MDGA2: variants seen among roughly 807,000 people sequenced by gnomAD.
The protein encoded by MDGA2 is MAM domain containing glycosylphosphatidylinositol anchor 2, also known as MAM domain-containing glycosylphosphatidylinositol anchor protein 2.
In MDGA2, 40 loss-of-function variants were observed where a neutral mutation model predicts 117.8. The ratio of observed to expected loss-of-function variants is 0.34; its 90% CI spans 0.26 to 0.44. MDGA2 has a LOEUF of 0.44. Among genes scored for constraint, MDGA2 ranks in the 20% least tolerant of loss-of-function variants. The probability of loss-of-function intolerance (pLI) is 1.00; values close to 1 mark genes in which losing one functional copy is unlikely to be tolerated. For synonymous variants in MDGA2, 452 were observed against 439.0 expected (o/e 1.03, Z -0.37); for missense variants, 1,123 against 1,250.6 (o/e 0.90, Z 1.54).
intron 3 of MDGA2, among the ~76,000 whole-genome samples, chr14:47,150,712 T>C (rs1411597560): frequency 1.3e-5 from 2 of 151,854 alleles, no homozygotes; most frequent in South Asian, 2.1e-4. Context: ...TCACCTGAAG[T>C]AGGAAATTAA....
chr14:47,634,838 A>G (rs111943556), intron 1 of MDGA2, among the ~76,000 whole-genome samples: 1 of 152,116 alleles, frequency 6.6e-6, no homozygotes, highest in Admixed American at 6.5e-5. Flanking sequence ...TTCCATCTCA[A>G]TCATTACCAT....
chr14:47,335,747 T>TATATATATATATACAC (rs1055245438), intron 1 of MDGA2, among the ~76,000 whole-genome samples: 26 of 68,356 alleles, frequency 3.8e-4, no homozygotes, highest in Non-Finnish European at 5.1e-4. Context: ...TATATATATA[T>TATATATATATATACAC]ACATACATAC....
intron 7 of MDGA2, among the ~76,000 whole-genome samples, chr14:47,039,913 T>A (rs986592972): frequency 3.3e-5 from 5 of 151,166 alleles, no homozygotes; most frequent in Non-Finnish European, 5.9e-5. Flanking sequence ...TGGCTCTCTC[T>A]CACACACACA....
At chr14:47,458,834 T>A (rs73260155) in intron 1 of MDGA2, among the ~76,000 whole-genome samples, 2,522 of 151,682 alleles carry the variant, frequency 0.017, 81 homozygotes, top group African/African-American at 0.057. Context: ...TGAATTAATC[T>A]TTGCACTCTT....
At chr14:47,476,217 A>C (rs1433294426) in intron 1 of MDGA2, among the ~76,000 whole-genome samples, 2 of 152,210 alleles carry the variant, frequency 1.3e-5, no homozygotes, top group Non-Finnish European at 2.9e-5. Context: ...ACATGAAGAA[A>C]AGGGCAGTCA....
Position 46,874,190 on chromosome 14 carries a change from A to G in MDGA2, c.2448T>C (p.His816=), listed in dbSNP as rs756420114. The G allele has an allele frequency of 4.2e-6, 6 of 1,422,336 alleles. No individual in the cohort carries two copies. Among genetic ancestry groups the G allele is most frequent in the Non-Finnish European group, 3.7e-6 (4 of 1,079,874 alleles). 88.1% of individuals were successfully genotyped at this position (1,422,336 alleles called of 1,614,324 possible). Residue 816 remains histidine (H), a synonymous_variant, in exon 13 of 17, where the codon CAT becomes CAC. Transcript: ENST00000399232. ...AAATATTACCATCTTCAAATCCACA[A>G]TGAAATTCTCCTGTTGGTAAATTTT... ...APVNPHLREF[H]CGFEDGNICL... is the part of the protein sequence containing the mutation.
chr14:47,214,025 G>A (rs1006441598), intron 3 of MDGA2, among the ~76,000 whole-genome samples: 2 of 152,062 alleles, frequency 1.3e-5, no homozygotes, highest in African/African-American at 4.8e-5. Flanking sequence ...GGGGGGTAAA[G>A]AGTCCCTCAT....
intron 1 of MDGA2, among the ~76,000 whole-genome samples, chr14:47,422,353 CTT>C (rs1892597538): frequency 1.3e-5 from 2 of 152,054 alleles, no homozygotes; most frequent in African/African-American, 4.8e-5. Flanking sequence ...GCAGACCTCT[CTT>C]GTCTCCAAAG....
At chr14:47,168,154 A>G (rs928309515) in intron 3 of MDGA2, among the ~76,000 whole-genome samples, 3 of 152,012 alleles carry the variant, frequency 2.0e-5, no homozygotes, top group Non-Finnish European at 4.4e-5. Context: ...CTCTGCCATG[A>G]AGGAGTTTGC....
intron 8 of MDGA2, among the ~76,000 whole-genome samples, chr14:46,992,335 T>C (rs1887122998): frequency 6.6e-6 from 1 of 152,170 alleles, no homozygotes; most frequent in Non-Finnish European, 1.5e-5. Flanking sequence ...AAATAAAATG[T>C]AGATTAAAAT....
Position 47,168,093 on chromosome 14 carries a change from G to C in MDGA2, c.596-23819C>G, listed in dbSNP as rs138331700. The stretch of plus-strand genomic sequence containing the variant: ...AAAACCTGTGTATCTGTATGGCCTG[G>C]ATGCAATGGGAGTAGGTCTACATCT... On this transcript the variant is annotated intron_variant, in intron 3 of 16. Transcript: ENST00000399232. 1.6e-4 allele frequency among the ~76,000 whole-genome samples: 25 copies of C among 152,024 alleles called. No homozygotes were observed. In the East Asian group the frequency reaches 4.8e-3, roughly 29 times the overall value.
chr14:46,950,482 C>T (rs1474649711), intron 9 of MDGA2, among the ~76,000 whole-genome samples: 1 of 151,922 alleles, frequency 6.6e-6, no homozygotes, highest in Admixed American at 6.6e-5. Context: ...GAAGTGATAT[C>T]ATTTTCTGCT....
chr14:47,616,379 T>G (rs1896949226), intron 1 of MDGA2, among the ~76,000 whole-genome samples: 1 of 152,202 alleles, frequency 6.6e-6, no homozygotes, highest in African/African-American at 2.4e-5. Flanking sequence ...GTTTTATTAT[T>G]GTTCTAGGTA....
rs10146593 is a variant in MDGA2 at position 47,169,660 on chromosome 14, C to T, written c.596-25386G>A. On this transcript the variant is annotated intron_variant, in intron 3 of 16. Coordinates refer to ENST00000399232, the MANE Select transcript of MDGA2 (RefSeq NM_001113498.3). ...CTAATTAGAACAAAAGTAAGCCTAG[C>T]ATTAGCTTAAAAACTGAGATTTTTA... 9.9e-5 allele frequency among the ~76,000 whole-genome samples: 15 copies of T among 151,986 alleles called. No homozygotes were observed. In the East Asian group the frequency reaches 1.9e-3, roughly 20 times the overall value.
intron 1 of MDGA2, among the ~76,000 whole-genome samples, chr14:47,451,867 T>C (rs1419937770): frequency 6.6e-6 from 1 of 152,084 alleles, no homozygotes; most frequent in Non-Finnish European, 1.5e-5. Flanking sequence ...AAGAAGAGAA[T>C]TCCTTTGAAA....
chr14:47,031,213 TA>T (rs1218146133), intron 8 of MDGA2, among the ~76,000 whole-genome samples: 6 of 133,768 alleles, frequency 4.5e-5, no homozygotes, highest in African/African-American at 1.1e-4. Context: ...TATTTAGAAA[TA>T]TATATATATA....
Position 47,537,602 on chromosome 14 carries a change from A to C in MDGA2, c.280+136915T>G, listed in dbSNP as rs1380087307. On this transcript the variant is annotated intron_variant, in intron 1 of 16. Transcript: ENST00000399232. ...AAAAAAAAAAAAAAAAAAAAAAAAA[A>C]AAAAAAAAAAAACTTAAAAATAAGC... 6.1e-5 allele frequency among the ~76,000 whole-genome samples: 9 copies of C among 148,140 alleles called. No individual in the cohort carries two copies. The East Asian group carries it at 1.2e-3, about 19-fold the overall frequency.
intron 1 of MDGA2, among the ~76,000 whole-genome samples, chr14:47,554,706 C>T (rs1468343139): frequency 6.6e-6 from 1 of 152,146 alleles, no homozygotes; most frequent in Non-Finnish European, 1.5e-5. Flanking sequence ...TGGACTCTTT[C>T]TATTCTAATC....
At chr14:47,525,302 C>T (rs1894949391) in intron 1 of MDGA2, among the ~76,000 whole-genome samples, 1 of 152,134 alleles carries the variant, frequency 6.6e-6, no homozygotes, top group Non-Finnish European at 1.5e-5. Flanking sequence ...GTCTCTTGGT[C>T]TTTTATGATC....
Sources: gnomAD v4.1 joint callset for allele counts (sites outside exome capture counted in the v4.1 genomes callset) on GRCh38, gnomAD v4.1.1 for gene constraint, MANE v1.5 for transcripts, NCBI Gene and HGNC (gene_info 2026-07-23, HGNC 2026-07-21) for gene names.